Variants in SLC25A13 observed in about 807,000 individuals in gnomAD.
The protein encoded by SLC25A13 is solute carrier family 25 member 13.
Under a neutral mutation model 85.5 loss-of-function variants are expected in SLC25A13, and 70 were observed. That is an observed-to-expected ratio of 0.82 (90% CI 0.68 to 1.00). The LOEUF (loss-of-function observed/expected upper bound fraction) is 1.00. SLC25A13 is among the 50% of genes least tolerant of loss of function. The probability of loss-of-function intolerance (pLI) is 0.00; values close to 1 mark genes in which losing one functional copy is unlikely to be tolerated. For synonymous variants in SLC25A13, 259 were observed against 288.7 expected (o/e 0.90, Z 1.04); for missense variants, 765 against 819.8 (o/e 0.93, Z 0.82).
At chr7:96,239,016 T>TTA (rs544595573) in intron 3 of SLC25A13, among the ~76,000 whole-genome samples, 1,413 of 139,462 alleles carry the variant, frequency 0.01, 32 homozygotes, top group African/African-American at 0.036. Flanking sequence ...ATAATATATA[T>TTA]TATATATATG....
chr7:96,239,431 T>C (rs188087521), intron 3 of SLC25A13, among the ~76,000 whole-genome samples: 1 of 151,932 alleles, frequency 6.6e-6, no homozygotes, highest in East Asian at 1.9e-4. Context: ...CTTTACAGAT[T>C]TAATGAGCAT....
At chr7:96,230,702 A>C (rs1186519425) in intron 4 of SLC25A13, among the ~76,000 whole-genome samples, 2 of 152,244 alleles carry the variant, frequency 1.3e-5, no homozygotes, top group Non-Finnish European at 2.9e-5. Flanking sequence ...GCAATGGGGA[A>C]AGGATTCTGT....
intron 13 of SLC25A13, among the ~76,000 whole-genome samples, chr7:96,165,452 A>G (rs763533519): frequency 1.5e-4 from 23 of 152,172 alleles, no homozygotes; most frequent in Non-Finnish European, 3.2e-4. Context: ...CCATCTAGAA[A>G]CCCACACATC....
chr7:96,147,528 A>G (rs1008095175), intron 13 of SLC25A13, among the ~76,000 whole-genome samples: 2 of 152,228 alleles, frequency 1.3e-5, no homozygotes, highest in Non-Finnish European at 2.9e-5. Flanking sequence ...AGCTAAGCCT[A>G]TATTTATCAC....
chr7:96,313,245 AG>A (rs1800009730), intron 1 of SLC25A13, among the ~76,000 whole-genome samples: 1 of 152,136 alleles, frequency 6.6e-6, no homozygotes, highest in African/African-American at 2.4e-5. Context: ...AACTGGAGGG[AG>A]GAGACAATCT....
At chr7:96,249,667 C>T (rs1411668052) in intron 3 of SLC25A13, among the ~76,000 whole-genome samples, 5 of 152,144 alleles carry the variant, frequency 3.3e-5, no homozygotes, top group Admixed American at 6.5e-5. Context: ...TTTTTTAAAA[C>T]GCAGGCCATT....
At chr7:96,288,282 T>C (rs1195340376) in intron 2 of SLC25A13, among the ~76,000 whole-genome samples, 1 of 152,060 alleles carries the variant, frequency 6.6e-6, no homozygotes, top group Non-Finnish European at 1.5e-5. Flanking sequence ...ATACAAAAAT[T>C]GGTGGATGGT....
intron 5 of SLC25A13, among the ~76,000 whole-genome samples, chr7:96,201,716 C>T (rs1049800661): frequency 1.3e-5 from 2 of 152,194 alleles, no homozygotes; most frequent in South Asian, 2.1e-4. Context: ...CACATGAAAT[C>T]GCTTATTAAT....
At chr7:96,173,226 G>T (rs1163870054) in intron 11 of SLC25A13, among the ~76,000 whole-genome samples, 2 of 152,226 alleles carry the variant, frequency 1.3e-5, no homozygotes, top group African/African-American at 4.8e-5. Context: ...GATAAGGATG[G>T]TGATGTTAAT....
intron 3 of SLC25A13, among the ~76,000 whole-genome samples, chr7:96,248,459 T>G (rs573317146): frequency 1.1e-4 from 16 of 152,168 alleles, no homozygotes; most frequent in Non-Finnish European, 2.1e-4. Context: ...TTATGGGGAA[T>G]GAGATTCCAG....
At chr7:96,252,057 C>CA (rs761649898) in intron 3 of SLC25A13, among the ~76,000 whole-genome samples, 2 of 152,090 alleles carry the variant, frequency 1.3e-5, no homozygotes, top group Non-Finnish European at 2.9e-5. Flanking sequence ...GAAACAAGAC[C>CA]AAAAACAGAG....
intron 4 of SLC25A13, among the ~76,000 whole-genome samples, chr7:96,227,062 A>C (rs1796351355): frequency 6.6e-6 from 1 of 152,192 alleles, no homozygotes; most frequent in African/African-American, 2.4e-5. Context: ...ACTTTTAAGA[A>C]GGTAATACTT....
intron 14 of SLC25A13, among the ~76,000 whole-genome samples, chr7:96,139,882 G>A (rs1318029597): frequency 7.0e-6 from 1 of 143,758 alleles, no homozygotes; most frequent in African/African-American, 2.6e-5. Flanking sequence ...TTCATAGCTT[G>A]TCTATTGTAA....
intron 1 of SLC25A13, among the ~76,000 whole-genome samples, chr7:96,298,153 C>T (rs1269198098): frequency 4.6e-5 from 7 of 152,306 alleles, no homozygotes; most frequent in African/African-American, 1.7e-4. Flanking sequence ...ATGTTGCTAT[C>T]CACAGGGAAA....
intron 2 of SLC25A13, among the ~76,000 whole-genome samples, chr7:96,281,391 C>CA (rs748690314): frequency 0.022 from 1,270 of 56,862 alleles, 22 homozygotes; most frequent in East Asian, 0.11. Flanking sequence ...AACTCCATCT[C>CA]AAAAAAAAAA....
intron 4 of SLC25A13, among the ~76,000 whole-genome samples, chr7:96,229,478 A>G (rs1796449319): frequency 6.6e-6 from 1 of 152,160 alleles, no homozygotes; most frequent in Non-Finnish European, 1.5e-5. Context: ...TGCCCGAACC[A>G]GCAGTGGCAA....
At chr7:96,294,841 T>C (rs1219259476) in intron 2 of SLC25A13, among the ~76,000 whole-genome samples, 5 of 152,158 alleles carry the variant, frequency 3.3e-5, no homozygotes, top group Non-Finnish European at 7.4e-5. Flanking sequence ...ATTTTTTATG[T>C]ATAATCTAAA....
intron 14 of SLC25A13, among the ~76,000 whole-genome samples, chr7:96,137,636 C>G (rs530710464): frequency 2.0e-5 from 3 of 152,132 alleles, no homozygotes; most frequent in Admixed American, 2.0e-4. Context: ...TCCACCTTTT[C>G]TTTATTTCTT....
chr7:96,184,985 T>C lies in SLC25A13; in HGVS notation c.960A>G (p.Pro320=), dbSNP rs765358773. 54 of 1,614,020 alleles carry C rather than the reference T, an allele frequency of 3.3e-5. No homozygotes were observed. In the Admixed American group the frequency reaches 8.2e-4, roughly 24 times the overall value. The change falls in exon 10 of 18, where the codon CCA becomes CCG. Residue 320 remains proline, a synonymous_variant. Coordinates refer to ENST00000265631, the MANE Select transcript of SLC25A13 (RefSeq NM_014251.3). Reference sequence around the variant, plus strand: ...CCGACTCTGCAACTTGTAGAAGAACTGGTCGAGCTGAATCACCTGAGGCCT... The same window carrying C: ...CCGACTCTGCAACTTGTAGAAGAACCGGTCGAGCTGAATCACCTGAGGCCT... ...RQKASGDSAR[P]VLLQVAESAY... is the part of the protein sequence containing the mutation.
Sources: gnomAD v4.1 joint callset for allele counts (sites outside exome capture counted in the v4.1 genomes callset) on GRCh38, gnomAD v4.1.1 for gene constraint, MANE v1.5 for transcripts, NCBI Gene and HGNC (gene_info 2026-07-23, HGNC 2026-07-21) for gene names.